Variants in BICD1 observed in about 807,000 individuals in gnomAD.
BICD1 encodes BICD cargo adaptor 1, also known as protein bicaudal D homolog 1.
BICD1 carries 35 observed loss-of-function variants against 92.5 expected under a neutral mutation model. That is an observed-to-expected ratio of 0.38 (90% CI 0.29 to 0.50). The LOEUF (loss-of-function observed/expected upper bound fraction) is 0.50. Among genes scored for constraint, BICD1 ranks in the 20% least tolerant of loss-of-function variants. The probability of loss-of-function intolerance (pLI) is 0.93; values close to 1 mark genes in which losing one functional copy is unlikely to be tolerated. For missense variants in BICD1, 950 were observed against 1,189.8 expected (o/e 0.80, Z 2.97); for synonymous variants, 429 against 465.1 (o/e 0.92, Z 1.00).
intron 4 of BICD1, among the ~76,000 whole-genome samples, chr12:32,316,105 C>G: frequency 6.9e-6 from 1 of 145,204 alleles, no homozygotes; most frequent in Admixed American, 7.0e-5. Context: ...CACTGCACTC[C>G]AGCCTGGGCA....
chr12:32,220,961 G>A (rs1485710293), intron 2 of BICD1, among the ~76,000 whole-genome samples: 3 of 149,674 alleles, frequency 2.0e-5, no homozygotes, highest in Non-Finnish European at 4.4e-5. Context: ...GGATGAAATT[G>A]GAAATCATCA....
chr12:32,196,883 C>T (rs66681130), intron 1 of BICD1, among the ~76,000 whole-genome samples: 10,208 of 152,204 alleles, frequency 0.067, 348 homozygotes, highest in South Asian at 0.11. Context: ...TCATGTTGTA[C>T]GCCTTGAATA....
intron 1 of BICD1, among the ~76,000 whole-genome samples, chr12:32,141,838 AT>A (rs1339923916): frequency 6.6e-6 from 1 of 152,090 alleles, no homozygotes; most frequent in Admixed American, 6.5e-5. Flanking sequence ...TAGCCTTTTT[AT>A]TCGCCGTTCG....
intron 8 of BICD1, among the ~76,000 whole-genome samples, chr12:32,361,463 G>A (rs1352943721): frequency 6.7e-6 from 1 of 150,348 alleles, no homozygotes. Flanking sequence ...TGTAACACAA[G>A]AGTCACTTAA....
chr12:32,253,811 CCATAATCACTGCCGTATCCCACCTGT>C (rs1299835151), intron 2 of BICD1, among the ~76,000 whole-genome samples: 26 of 150,202 alleles, frequency 1.7e-4, no homozygotes, highest in Middle Eastern at 3.5e-3. Flanking sequence ...ATCCCACCTG[CCATAATCACTGCCGTATCCCACCTGT>C]CATAATCACT....
chr12:32,181,465 T>A (rs1378044992), intron 1 of BICD1, among the ~76,000 whole-genome samples: 1 of 151,928 alleles, frequency 6.6e-6, no homozygotes, highest in African/African-American at 2.4e-5. Context: ...TCATATTTAA[T>A]GCCATGGTGC....
intron 2 of BICD1, among the ~76,000 whole-genome samples, chr12:32,260,397 G>T (rs1946827534): frequency 1.3e-5 from 2 of 152,196 alleles, no homozygotes; most frequent in African/African-American, 4.8e-5. Context: ...GGTTTTCCAT[G>T]ACTGTATCTG....
intron 1 of BICD1, among the ~76,000 whole-genome samples, chr12:32,141,905 A>ATGGG (rs1942933046): frequency 6.6e-6 from 1 of 152,172 alleles, no homozygotes; most frequent in Non-Finnish European, 1.5e-5. Context: ...GTTTCTCCCC[A>ATGGG]GAGCCTAGCA....
intron 2 of BICD1, among the ~76,000 whole-genome samples, chr12:32,225,621 G>GTTTTTTTTTTTTTTTTTTTTT (rs58895470): frequency 1.3e-4 from 12 of 92,782 alleles, no homozygotes; most frequent in African/African-American, 2.2e-4. Flanking sequence ...CTTTTTTTCT[G>GTTTTTTTTTTTTTTTTTTTTT]TTTTTTTTTT....
Position 32,338,916 on chromosome 12 carries a change from A to G in BICD1, c.2701A>G (p.Met901Val). The change falls in exon 8 of 10, where the codon ATG (methionine) becomes GTG (valine). Residue 901 changes from methionine (M) to valine (V), a missense_variant. Met to Val is a conservative substitution (Grantham distance 21). Transcript: ENST00000652176. ...ESFLLKGPPS[M>V]SEFIQGHRLS... is the part of the protein sequence containing the mutation. ...ATTTCTTCTGAAGGGCCCCCCTTCC[A>G]TGAGTGAATTCATCCAAGGGCACCG... 5 of 1,608,362 alleles carry G rather than the reference A, an allele frequency of 3.1e-6. No individual in the cohort carries two copies. The highest frequency in any genetic ancestry group is 3.4e-6 in the Non-Finnish European group (4 of 1,177,726).
intron 1 of BICD1, among the ~76,000 whole-genome samples, chr12:32,150,104 C>G (rs1943246103): frequency 6.6e-6 from 1 of 152,290 alleles, no homozygotes; most frequent in South Asian, 2.1e-4. Context: ...GACTTACTCA[C>G]TATCATGAGA....
intron 6 of BICD1, among the ~76,000 whole-genome samples, chr12:32,335,201 A>T (rs1469441936): frequency 1.3e-5 from 2 of 151,760 alleles, no homozygotes; most frequent in South Asian, 4.2e-4. Context: ...CCCAGGCTAG[A>T]GGGCAGTGGT....
intron 1 of BICD1, among the ~76,000 whole-genome samples, chr12:32,168,773 C>T (rs992595229): frequency 1.1e-4 from 17 of 152,134 alleles, no homozygotes; most frequent in Admixed American, 1.3e-4. Flanking sequence ...AGTTTGAGTC[C>T]ATCCTGGCCA....
chr12:32,367,989 T>A, intron 9 of BICD1: 1 of 436,112 alleles, frequency 2.3e-6, no homozygotes, highest in Non-Finnish European at 4.2e-6. Flanking sequence ...CTTCAGCCCC[T>A]TTGTCTGTGT....
intron 2 of BICD1, among the ~76,000 whole-genome samples, chr12:32,234,376 T>C (rs1945995440): frequency 6.6e-6 from 1 of 151,886 alleles, no homozygotes; most frequent in Admixed American, 6.6e-5. Flanking sequence ...GGCGGGCAGA[T>C]CACCGGAGGT....
chr12:32,147,558 GCT>G (rs1943152410), intron 1 of BICD1, among the ~76,000 whole-genome samples: 1 of 152,130 alleles, frequency 6.6e-6, no homozygotes, highest in African/African-American at 2.4e-5. Context: ...TACCTCAACT[GCT>G]CACTTAATTT....
chr12:32,208,858 G>A (rs1329156895), intron 1 of BICD1, among the ~76,000 whole-genome samples: 11 of 151,070 alleles, frequency 7.3e-5, no homozygotes, highest in East Asian at 2.0e-4. Context: ...AGTATCTCAC[G>A]TTGTTGCCCA....
At chr12:32,242,082 G>T (rs1254617239) in intron 2 of BICD1, among the ~76,000 whole-genome samples, 1 of 151,040 alleles carries the variant, frequency 6.6e-6, no homozygotes, top group South Asian at 2.1e-4. Flanking sequence ...GGGCATGATG[G>T]TGTGCACCTT....
intron 2 of BICD1, among the ~76,000 whole-genome samples, chr12:32,283,745 G>A (rs1947481882): frequency 6.6e-6 from 1 of 152,224 alleles, no homozygotes; most frequent in South Asian, 2.1e-4. Flanking sequence ...TGATATGGGT[G>A]TGAGTGGCTC....
Sources: allele counts gnomAD v4.1 joint callset (sites outside exome capture counted in the v4.1 genomes callset), GRCh38; gene constraint gnomAD v4.1.1; transcripts MANE v1.5; gene names NCBI Gene and HGNC (gene_info 2026-07-23, HGNC 2026-07-21).